DYNLT5: variants seen among roughly 807,000 people sequenced by gnomAD.
DYNLT5 encodes dynein light chain Tctex-type family member 5.
DYNLT5 carries 25 observed loss-of-function variants against 19.3 expected under a neutral mutation model. The observed-to-expected ratio is 1.30, with a 90% confidence interval of 0.95 to 1.81. The LOEUF (loss-of-function observed/expected upper bound fraction) is 1.81, where lower values mean the gene tolerates loss of function less well. Among genes scored for constraint, DYNLT5 ranks in the 40% most tolerant of loss-of-function variants. The probability of loss-of-function intolerance (pLI) is 0.00; values close to 1 mark genes in which losing one functional copy is unlikely to be tolerated. For synonymous variants in DYNLT5, 82 were observed against 68.9 expected (o/e 1.19, Z -0.94); for missense variants, 232 against 217.9 (o/e 1.06, Z -0.41).
chr1:66,767,743 TTA>T (rs1225742653), intron 2 of DYNLT5, among the ~76,000 whole-genome samples: 1 of 152,216 alleles, frequency 6.6e-6, no homozygotes, highest in Non-Finnish European at 1.5e-5. Flanking sequence ...GGCTTCTTTC[TTA>T]TCTGTAATCT....
intron 2 of DYNLT5, among the ~76,000 whole-genome samples, chr1:66,763,452 C>G (rs148079644): frequency 1.9e-4 from 29 of 152,314 alleles, no homozygotes; most frequent in Admixed American, 3.9e-4. Context: ...CTCTCTCTAG[C>G]TATAAAAGCC....
chr1:66,766,747 A>G lies in DYNLT5; in HGVS notation c.120-3640A>G, dbSNP rs144344121. Among the ~76,000 whole-genome samples, 58 of 152,016 alleles carry G rather than the reference A, an allele frequency of 3.8e-4. No homozygotes were observed. The Middle Eastern group carries it at 0.017, about 45-fold the overall frequency. On this transcript the variant is annotated intron_variant, in intron 2 of 4. Coordinates refer to ENST00000282670, the MANE Select transcript of DYNLT5 (RefSeq NM_152665.3). Reference sequence around the variant, plus strand: ...TTCATTCTAATGTGGGAACTATCAGATCTCAGATTTTTATAATACAGGTTT... The same window carrying G: ...TTCATTCTAATGTGGGAACTATCAGGTCTCAGATTTTTATAATACAGGTTT...
chr1:66,761,216 A>G (rs760416375), intron 2 of DYNLT5, among the ~76,000 whole-genome samples: 6 of 152,258 alleles, frequency 3.9e-5, no homozygotes, highest in Non-Finnish European at 7.3e-5. Context: ...CAATAAAGGA[A>G]GTCACATGAA....
At chr1:66,772,672 G>A (rs975200424) in intron 3 of DYNLT5, among the ~76,000 whole-genome samples, 1 of 152,108 alleles carries the variant, frequency 6.6e-6, no homozygotes, top group African/African-American at 2.4e-5. Flanking sequence ...ATTCAATAAT[G>A]TTTGCCTCAT....
chr1:66,776,435 A>C (rs772669142), intron 4 of DYNLT5, 32 bp downstream of exon 4: 1 of 1,563,776 alleles, frequency 6.4e-7, no homozygotes, highest in Non-Finnish European at 8.7e-7. Context: ...AGTGTTAACA[A>C]TAGCTAGAAT....
At chr1:66,770,260 T>TAA in intron 2 of DYNLT5, 127 bp from the exon 3 acceptor site, 1 of 650,610 alleles carries the variant, frequency 1.5e-6, no homozygotes, top group South Asian at 1.9e-5. Context: ...CTAGGATATT[T>TAA]ACATAAGACT....
At chr1:66,763,280 T>C (rs946847645) in intron 2 of DYNLT5, among the ~76,000 whole-genome samples, 1 of 152,210 alleles carries the variant, frequency 6.6e-6, no homozygotes, top group African/African-American at 2.4e-5. Context: ...CTAGTCTTTT[T>C]TGTTTCACTT....
At chr1:66,775,056 C>T (rs1375210390) in intron 3 of DYNLT5, 1 of 152,194 alleles carries the variant, frequency 6.6e-6, no homozygotes, top group Non-Finnish European at 1.5e-5. Context: ...GGCACATGTT[C>T]ATGTCATGCA....
At chr1:66,757,675 A>T (rs2094638750) in intron 2 of DYNLT5, among the ~76,000 whole-genome samples, 1 of 152,094 alleles carries the variant, frequency 6.6e-6, no homozygotes, top group Admixed American at 6.6e-5. Context: ...CTTGCGATGA[A>T]CCTTATTTAT....
chr1:66,776,341 T>C lies in DYNLT5; in HGVS notation c.274T>C (p.Tyr92His), dbSNP rs777424744. 1 of 1,613,576 alleles carries C rather than the reference T, an allele frequency of 6.2e-7. No individual in the cohort carries two copies. ...TATTTTGAAAGATGTAGTAACCAGC[T>C]ATCTACAAGTAGAAGAATATGAACC... ...NHILKDVVTSYLQVEEYEPEL... is the reference protein window; with the variant it reads ...NHILKDVVTSHLQVEEYEPEL... Residue 92 changes from tyrosine (Y) to histidine (H), a missense_variant, in exon 4 of 5, where the codon TAT becomes CAT. Transcript: ENST00000282670.
chr1:66,756,392 A>C lies in DYNLT5; in HGVS notation c.119+1615A>C, dbSNP rs1326599465. Among the ~76,000 whole-genome samples the C allele has an allele frequency of 2.6e-5, 4 of 152,210 alleles. No individual in the cohort carries two copies. In the East Asian group the frequency reaches 7.7e-4, roughly 29 times the overall value. ...GCTTCCTCACTGTCTGGAATTAGAC[A>C]GTACAAGTTATTCTCCTTCATGAAT... is the stretch of plus-strand genomic sequence containing the variant. On this transcript the variant is annotated intron_variant, in intron 2 of 4. Transcript: ENST00000282670.
chr1:66,778,820 A>G lies in DYNLT5; in HGVS notation c.*1366A>G, dbSNP rs572126720. ...CAATTTTCACTTTTTTTTTTCTGTTAGTGCATTAGTGGGAATATGTCTATG... is the reference window on the plus strand; with the variant it reads ...CAATTTTCACTTTTTTTTTTCTGTTGGTGCATTAGTGGGAATATGTCTATG... On this transcript the variant is annotated 3_prime_UTR_variant, in exon 5 of 5. Coordinates refer to ENST00000282670, the MANE Select transcript of DYNLT5 (RefSeq NM_152665.3). 2.6e-5 allele frequency: 4 copies of G among 150,954 alleles called. No individual in the cohort carries two copies. The highest frequency in any genetic ancestry group is 5.9e-5 in the Non-Finnish European group (4 of 67,820). The allele number at this position is 150,954 out of a possible 1,614,324, so 9.4% of individuals were successfully genotyped here.
chr1:66,760,278 A>G (rs1421716571), intron 2 of DYNLT5, among the ~76,000 whole-genome samples: 1 of 152,124 alleles, frequency 6.6e-6, no homozygotes, highest in Non-Finnish European at 1.5e-5. Context: ...AGCAGAGACC[A>G]TAGTTTGTTT....
chr1:66,752,504 T>G lies in DYNLT5; in HGVS notation c.-84T>G, dbSNP rs939695358. On this transcript the variant is annotated 5_prime_UTR_variant, in exon 1 of 5. Transcript: ENST00000282670. Reference sequence around the variant, plus strand: ...GGGCGGCCGCCGGCTGAATGAAGCCTGGGACGCGGGAGCCGCGCCGCGCGC... The same window carrying G: ...GGGCGGCCGCCGGCTGAATGAAGCCGGGGACGCGGGAGCCGCGCCGCGCGC... 5.1e-6 allele frequency: 5 copies of G among 985,554 alleles called. No individual in the cohort carries two copies. Among genetic ancestry groups the G allele is most frequent in the Middle Eastern group, 5.2e-4 (1 of 1,918 alleles). 61.1% of individuals were successfully genotyped at this position (985,554 alleles called of 1,614,324 possible). A position where few individuals can be genotyped will look rare whatever the true frequency, so the allele number is the denominator to read the frequency against.
intron 2 of DYNLT5, among the ~76,000 whole-genome samples, chr1:66,762,766 G>C (rs1425627215): frequency 6.6e-6 from 1 of 152,142 alleles, no homozygotes; most frequent in South Asian, 2.1e-4. Context: ...ATAAGTTCTA[G>C]TATTCAATAA....
rs2094633215 is a variant in DYNLT5 at position 66,754,844 on chromosome 1, A to G, written c.119+67A>G. On this transcript the variant is annotated intron_variant, in intron 2 of 4. Transcript: ENST00000282670. ...ATAGGTTCGTAATGTTTATTAGGAG[A>G]AAAAAACACTTCCTCGGGGACATAA... 9 of 1,478,536 alleles carry G rather than the reference A, an allele frequency of 6.1e-6. No homozygotes were observed. In the South Asian group the frequency reaches 1.1e-4, roughly 18 times the overall value. 91.6% of individuals were successfully genotyped at this position (1,478,536 alleles called of 1,614,324 possible). A position where few individuals can be genotyped will look rare whatever the true frequency, so the allele number is the denominator to read the frequency against.
intron 2 of DYNLT5, among the ~76,000 whole-genome samples, chr1:66,757,958 G>T (rs1321015252): frequency 1.3e-5 from 2 of 152,102 alleles, no homozygotes; most frequent in East Asian, 3.9e-4. Flanking sequence ...AAACCGTAGG[G>T]CCTGCAAATC....
intron 2 of DYNLT5, among the ~76,000 whole-genome samples, chr1:66,765,575 T>C (rs542375908): frequency 1.4e-4 from 22 of 152,118 alleles, no homozygotes; most frequent in African/African-American, 5.1e-4. Context: ...ATTTGCAAGA[T>C]GTTTTTAAGA....
At chr1:66,770,868 A>G (rs1221400606) in intron 3 of DYNLT5, 1 of 280,220 alleles carries the variant, frequency 3.6e-6, no homozygotes, top group Admixed American at 4.9e-5. Context: ...CTCAAAGCAA[A>G]GGCAAATGAC....
Sources: allele counts gnomAD v4.1 joint callset (sites outside exome capture counted in the v4.1 genomes callset), GRCh38; gene constraint gnomAD v4.1.1; transcripts MANE v1.5; gene names NCBI Gene and HGNC (gene_info 2026-07-23, HGNC 2026-07-21).